ANKRD30A: variants seen among roughly 807,000 people sequenced by gnomAD.
ANKRD30A encodes ankyrin repeat domain-containing protein 30A.
ANKRD30A carries 170 observed loss-of-function variants against 166.3 expected under a neutral mutation model. The observed-to-expected ratio is 1.02, with a 90% CI of 0.90 to 1.16. The LOEUF (loss-of-function observed/expected upper bound fraction) is 1.16. ANKRD30A is among the 50% of genes most tolerant of loss of function. ANKRD30A has a pLI of 0.00. For missense variants in ANKRD30A, 1,630 were observed against 1,518.0 expected, an observed-to-expected ratio of 1.07 and a Z score of -1.23; for synonymous variants, 564 against 508.9, an observed-to-expected ratio of 1.11 and a Z score of -1.46.
intron 19 of ANKRD30A, among the ~76,000 whole-genome samples, chr10:37,167,149 C>A (rs1269967371): frequency 6.6e-6 from 1 of 151,668 alleles, no homozygotes; most frequent in Non-Finnish European, 1.5e-5. Context: ...AGTGAGCTCA[C>A]TTCGGAAGCA....
chr10:37,165,128 C>A lies in ANKRD30A; in HGVS notation c.2037C>A (p.Asp679Glu). The change falls in exon 18 of 36, where the codon GAC becomes GAA. Residue 679 changes from aspartate (D) to glutamate (E), a missense_variant. By Grantham distance (45) the Asp-to-Glu change is conservative (BLOSUM62 2). This residue lies in a region of ANKRD30A where 904 missense variants were observed against 818.5 expected (regional missense o/e 1.10). Transcript: ENST00000361713. ...TCCCATCAGAATCCAAACAAAAGGACTATGAAGAAAATTCTTGGGATACTG... is the reference window on the plus strand; with the variant it reads ...TCCCATCAGAATCCAAACAAAAGGAATATGAAGAAAATTCTTGGGATACTG... The part of the protein sequence containing the change: ...EILPSESKQK[D>E]YEENSWDTES... 6.2e-7 allele frequency: 1 copy of A among 1,609,174 alleles called. No individual in the cohort carries two copies. Among genetic ancestry groups the A allele is most frequent in the Non-Finnish European group, 8.5e-7 (1 of 1,176,042 alleles).
chr10:37,235,249 C>A (rs1206011930), downstream of ANKRD30A, among the ~76,000 whole-genome samples: 4 of 152,084 alleles, frequency 2.6e-5, no homozygotes, highest in Admixed American at 6.5e-5. Context: ...ATTTTTCCCC[C>A]ACAAGGTCTT....
rs183509156 is a variant in ANKRD30A at position 37,161,281 on chromosome 10, C to T, written c.1901-1368C>T. Among the ~76,000 whole-genome samples, 585 of 152,044 alleles carry T rather than the reference C, an allele frequency of 3.8e-3. 7 individuals carry two copies. The highest frequency in any genetic ancestry group is 0.013 in the African/African-American group (554 of 41,482). ...ATGGTCAGGAGAATGCATTATATTG[C>T]TTTTATTTCTGGGTATGCTTTTAGC... On this transcript the variant is annotated intron_variant, in intron 15 of 35. Transcript: ENST00000361713.
chr10:37,259,607 A>G, the ANKRD30A span, among the ~76,000 whole-genome samples: 1 of 152,262 alleles, frequency 6.6e-6, no homozygotes, highest in Non-Finnish European at 1.5e-5. Context: ...CATCAATGGT[A>G]GAATGGATGA....
intron 24 of ANKRD30A, among the ~76,000 whole-genome samples, chr10:37,179,673 C>T (rs1840053072): frequency 7.0e-6 from 1 of 143,252 alleles, no homozygotes; most frequent in Non-Finnish European, 1.6e-5. Context: ...AATGACAGGA[C>T]ATATTAAAGA....
chr10:37,190,785 TTAA>T (rs1840492085), intron 25 of ANKRD30A, among the ~76,000 whole-genome samples: 1 of 151,776 alleles, frequency 6.6e-6, no homozygotes, highest in Non-Finnish European at 1.5e-5. Flanking sequence ...CAGTGACTCA[TTAA>T]TAATCTTTAT....
intron 25 of ANKRD30A, 114 bp from the exon 26 acceptor site, chr10:37,192,950 A>G: frequency 6.8e-7 from 1 of 1,470,468 alleles, no homozygotes; most frequent in Admixed American, 1.7e-5. Context: ...AGCTAGTGTA[A>G]TCCCTTTTGC....
intron 1 of ANKRD30A, among the ~76,000 whole-genome samples, chr10:37,126,729 C>T (rs1836043178): frequency 6.6e-6 from 1 of 152,124 alleles, no homozygotes; most frequent in Non-Finnish European, 1.5e-5. Context: ...TCTTGCCCTT[C>T]TAGATATCAA....
intron 21 of ANKRD30A, among the ~76,000 whole-genome samples, chr10:37,171,601 T>C (rs1418981866): frequency 6.6e-6 from 1 of 151,730 alleles, no homozygotes; most frequent in African/African-American, 2.4e-5. Flanking sequence ...AGAACAAGAA[T>C]TTTCAAAAAT....
intron 27 of ANKRD30A, among the ~76,000 whole-genome samples, chr10:37,196,909 G>T (rs184199251): frequency 1.3e-5 from 2 of 152,284 alleles, no homozygotes; most frequent in African/African-American, 4.8e-5. Context: ...CCTTTCCGAA[G>T]ATAGGCTATG....
chr10:37,156,120 C>T (rs1168274100), intron 13 of ANKRD30A, among the ~76,000 whole-genome samples: 2 of 151,760 alleles, frequency 1.3e-5, no homozygotes, highest in Non-Finnish European at 2.9e-5. Flanking sequence ...TACTTTACAC[C>T]ACCTTTAATT....
intron 19 of ANKRD30A, among the ~76,000 whole-genome samples, chr10:37,167,468 GA>G (rs1839448132): frequency 6.6e-6 from 1 of 151,328 alleles, no homozygotes; most frequent in Non-Finnish European, 1.5e-5. Context: ...GACTAATTTT[GA>G]AAACCATAAA....
Position 37,153,677 on chromosome 10 carries a change from T to G in ANKRD30A, c.1798+15T>G. On this transcript the variant is annotated intron_variant, in intron 13 of 35. Transcript: ENST00000361713. ...AAAATTAGAAGGTAAGAACCGTTTT[T>G]TATTTAAAAATCAGTTGACCGAATA... 6.2e-7 allele frequency: 1 copy of G among 1,610,192 alleles called. No individual in the cohort carries two copies. Among genetic ancestry groups the G allele is most frequent in the Non-Finnish European group, 8.5e-7 (1 of 1,178,944 alleles).
chr10:37,149,745 T>TTA lies in ANKRD30A; in HGVS notation c.1573-30_1573-29dup, dbSNP rs1353792032. The TTA allele has an allele frequency of 3.7e-6, 6 of 1,612,724 alleles. No homozygotes were observed. The African/African-American group carries it at 5.3e-5, about 14-fold the overall frequency. Reference sequence around the variant, plus strand: ...TATGTATTTGTGAAGTATACATTCTTTATTAATCATTTTGCTTCCAACCCC... The same window carrying TTA: ...TATGTATTTGTGAAGTATACATTCTTTATATTAATCATTTTGCTTCCAACCCC... On this transcript the variant is annotated intron_variant, in intron 10 of 35. Coordinates refer to ENST00000361713, the MANE Select transcript of ANKRD30A (RefSeq NM_052997.3).
chr10:37,230,272 A>T (rs1425272100), intron 34 of ANKRD30A, among the ~76,000 whole-genome samples: 1 of 152,066 alleles, frequency 6.6e-6, no homozygotes, highest in Non-Finnish European at 1.5e-5. Context: ...AATTAAGCTC[A>T]TTAATTTGCC....
chr10:37,257,457 C>T, the ANKRD30A span, among the ~76,000 whole-genome samples: 1 of 151,942 alleles, frequency 6.6e-6, no homozygotes, highest in Non-Finnish European at 1.5e-5. Context: ...AATTTGGTTG[C>T]TCTTGCTTCT....
In ANKRD30A at chr10:37,197,628, G is replaced by C. The variant is rs1841245759; in HGVS notation, c.2716+148G>C. 3 of 1,297,490 alleles carry C rather than the reference G, an allele frequency of 2.3e-6. No individual in the cohort carries two copies. The Admixed American group carries it at 7.9e-5, about 34-fold the overall frequency. 80.4% of individuals were successfully genotyped at this position (1,297,490 alleles called of 1,614,324 possible). A position where few individuals can be genotyped will look rare whatever the true frequency, so the allele number is the denominator to read the frequency against. ...CAATACTGGTATTGATGTTTGAAAA[G>C]CTGGTATTACAAGCACAGTAATTTT... On this transcript the variant is annotated intron_variant, in intron 29 of 35. Transcript: ENST00000361713.
Position 37,141,857 on chromosome 10 carries a change from G to A in ANKRD30A, c.960G>A (p.Leu320=). The A allele has an allele frequency of 6.2e-7, 1 of 1,614,028 alleles. No individual in the cohort carries two copies. The highest frequency in any genetic ancestry group is 8.5e-7 in the Non-Finnish European group (1 of 1,179,958). ...GAACACCTGACACGGCTGAAAGCTT[G>A]GTGGAAAAAACACCTGATGAGGCTG... ...VERTPDTAES[L]VEKTPDEAAS... is the part of the protein sequence containing the mutation. Residue 320 remains leucine, a synonymous_variant, in exon 7 of 36, where the codon TTG becomes TTA. Transcript: ENST00000361713.
intron 24 of ANKRD30A, among the ~76,000 whole-genome samples, chr10:37,179,596 AC>A (rs1339762746): frequency 6.7e-6 from 1 of 149,440 alleles, no homozygotes; most frequent in Non-Finnish European, 1.5e-5. Context: ...TCAATTCATA[AC>A]ACTTTTTCTG....
Sources: allele counts gnomAD v4.1 joint callset (sites outside exome capture counted in the v4.1 genomes callset), GRCh38; gene constraint gnomAD v4.1.1; regional missense constraint gnomAD v4.1.1; transcripts MANE v1.5; gene names NCBI Gene and HGNC (gene_info 2026-07-23, HGNC 2026-07-21).